ODF1: variants seen among roughly 807,000 people sequenced by gnomAD.
ODF1 encodes outer dense fiber of sperm tails 1.
A neutral mutation model predicts 24.0 loss-of-function variants in ODF1; 10 were observed. The observed-to-expected ratio is 0.42, with a 90% CI of 0.26 to 0.71. The LOEUF is 0.71. ODF1 is among the 30% of genes least tolerant of loss of function. ODF1 has a pLI of 0.28. For synonymous variants in ODF1, 118 were observed against 121.3 expected (o/e 0.97, Z 0.18); for missense variants, 282 against 307.9 (o/e 0.92, Z 0.63).
chr8:102,555,874 T>C (rs1189406170), intron 1 of ODF1, among the ~76,000 whole-genome samples: 3 of 152,218 alleles, frequency 2.0e-5, no homozygotes, highest in Non-Finnish European at 2.9e-5. Flanking sequence ...CCTCTCATCA[T>C]AGACTCTTCA....
chr8:102,560,989 T>A lies in ODF1; in HGVS notation c.*105T>A. The A allele has an allele frequency of 9.1e-7, 1 of 1,095,296 alleles. No individual in the cohort carries two copies. The allele number at this position is 1,095,296 out of a possible 1,614,324, so 67.8% of individuals were successfully genotyped here. A position where few individuals can be genotyped will look rare whatever the true frequency, so the allele number is the denominator to read the frequency against. ...CCATGGCCCCTGTTGTTGAAGTACG[T>A]AGGAAACTGAATACATAACTGCAAT... is the stretch of plus-strand genomic sequence containing the variant. On this transcript the variant is annotated 3_prime_UTR_variant, in exon 2 of 2. Coordinates refer to ENST00000285402, the MANE Select transcript of ODF1 (RefSeq NM_024410.4).
At chr8:102,557,208 A>T (rs1826122864) in intron 1 of ODF1, among the ~76,000 whole-genome samples, 1 of 152,166 alleles carries the variant, frequency 6.6e-6, no homozygotes, top group African/African-American at 2.4e-5. Flanking sequence ...CCCCATGATA[A>T]CAAGTATAGG....
chr8:102,554,950 C>G (rs928280965), intron 1 of ODF1, among the ~76,000 whole-genome samples: 1 of 151,986 alleles, frequency 6.6e-6, no homozygotes, highest in Non-Finnish European at 1.5e-5. Flanking sequence ...AGAAAGAGAC[C>G]CTGTTTCAAA....
chr8:102,553,020 TA>T (rs758458768), intron 1 of ODF1, among the ~76,000 whole-genome samples: 22,096 of 66,774 alleles, frequency 0.33, 1,722 homozygotes, highest in Middle Eastern at 0.41. Flanking sequence ...AGATAGATGA[TA>T]GATAGATAGA....
At position 102,559,864 on chromosome 8, in the gene ODF1, A is replaced by G. The variant is rs1450470104; in HGVS notation, c.321-588A>G. On this transcript the variant is annotated intron_variant, in intron 1 of 1. Transcript: ENST00000285402. ...TCGAAAGCTGACAGCCATCTCTAAA[A>G]TGCAGATTTTAAGTGGTATCTTAGT... Among the ~76,000 whole-genome samples, 10 of 151,638 alleles carry G rather than the reference A, an allele frequency of 6.6e-5. 1 individual carries two copies. Among genetic ancestry groups the G allele is most frequent in the African/African-American group, 4.9e-5 (2 of 40,936 alleles).
intron 1 of ODF1, among the ~76,000 whole-genome samples, chr8:102,559,573 T>C (rs1826153191): frequency 6.6e-6 from 1 of 151,630 alleles, no homozygotes; most frequent in African/African-American, 2.4e-5. Context: ...TGATCCTGAT[T>C]ATGGACACCA....
chr8:102,560,972 C>G lies in ODF1; in HGVS notation c.*88C>G, dbSNP rs999766414. On this transcript the variant is annotated 3_prime_UTR_variant, in exon 2 of 2. Transcript: ENST00000285402. Reference sequence around the variant, plus strand: ...TGTTTCTCCTCTCCTTCCCATGGCCCCTGTTGTTGAAGTACGTAGGAAACT... The same window carrying G: ...TGTTTCTCCTCTCCTTCCCATGGCCGCTGTTGTTGAAGTACGTAGGAAACT... 9 of 1,245,486 alleles carry G rather than the reference C, an allele frequency of 7.2e-6. No homozygotes were observed. The highest frequency in any genetic ancestry group is 1.0e-5 in the Non-Finnish European group (9 of 891,994). 77.2% of individuals were successfully genotyped at this position (1,245,486 alleles called of 1,614,324 possible). A position where few individuals can be genotyped will look rare whatever the true frequency, so the allele number is the denominator to read the frequency against.
chr8:102,556,946 T>C (rs1758719720), intron 1 of ODF1, among the ~76,000 whole-genome samples: 1 of 152,222 alleles, frequency 6.6e-6, no homozygotes, highest in South Asian at 2.1e-4. Context: ...ACTTTATTCA[T>C]GACCGGGTTA....
In ODF1 at chr8:102,552,189, A is replaced by G. The variant is rs1215823140; in HGVS notation, c.320+142A>G. On this transcript the variant is annotated intron_variant, in intron 1 of 1. Transcript: ENST00000285402. Reference sequence around the variant, plus strand: ...ACCCTGGTGACTTAGGAAAGATTTAAGGAAAGAAGAGTAAATGAGTCCATG... The same window carrying G: ...ACCCTGGTGACTTAGGAAAGATTTAGGGAAAGAAGAGTAAATGAGTCCATG... 8.3e-6 allele frequency: 5 copies of G among 602,302 alleles called. No individual in the cohort carries two copies. In the East Asian group the frequency reaches 1.4e-4, roughly 17 times the overall value. 37.3% of individuals were successfully genotyped at this position (602,302 alleles called of 1,614,324 possible). A position where few individuals can be genotyped will look rare whatever the true frequency, so the allele number is the denominator to read the frequency against.
Position 102,560,539 on chromosome 8 carries a change from C to A in ODF1, c.408C>A (p.Pro136=). ...CGGTGAATGTATGCGGTTTTGAACC[C>A]GATCAAGTCAAAGTTCGAGTGAAGG... The part of the protein sequence containing the change: ...LGSVNVCGFE[P]DQVKVRVKDG... The change falls in exon 2 of 2, where the codon CCC becomes CCA. Residue 136 remains proline (P), a synonymous_variant. Transcript: ENST00000285402. The A allele has an allele frequency of 1.2e-6, 2 of 1,614,160 alleles. No homozygotes were observed. Among genetic ancestry groups the A allele is most frequent in the Non-Finnish European group, 1.7e-6 (2 of 1,180,044 alleles).
At chr8:102,556,191 G>A (rs1467360522) in intron 1 of ODF1, among the ~76,000 whole-genome samples, 1 of 152,238 alleles carries the variant, frequency 6.6e-6, no homozygotes, top group Non-Finnish European at 1.5e-5. Context: ...CAGGGGCCAT[G>A]TTCTTGATCA....
Position 102,556,487 on chromosome 8 carries a change from G to A in ODF1, c.321-3965G>A, listed in dbSNP as rs1432751109. ...TGTTGAGATGGAGTATTGCTCTGGC[G>A]CCCAGGCTGGAGTACAGTGGTGTGA... On this transcript the variant is annotated intron_variant, in intron 1 of 1. Transcript: ENST00000285402. Among the ~76,000 whole-genome samples, 8 of 152,008 alleles carry A rather than the reference G, an allele frequency of 5.3e-5. No individual in the cohort carries two copies. In the East Asian group the frequency reaches 5.8e-4, roughly 11 times the overall value.
chr8:102,553,721 C>G (rs147043877), intron 1 of ODF1, among the ~76,000 whole-genome samples: 360 of 152,346 alleles, frequency 2.4e-3, no homozygotes, highest in African/African-American at 7.3e-3. Context: ...AAATCCCTCT[C>G]TGTCCTGTGC....
chr8:102,556,621 A>C (rs1483326165), intron 1 of ODF1, among the ~76,000 whole-genome samples: 3 of 152,008 alleles, frequency 2.0e-5, no homozygotes, highest in Non-Finnish European at 4.4e-5. Flanking sequence ...CTAATCAGCC[A>C]CCTGTGTTTT....
intron 1 of ODF1, among the ~76,000 whole-genome samples, chr8:102,554,530 T>TC (rs1826088165): frequency 6.6e-6 from 1 of 152,254 alleles, no homozygotes; most frequent in South Asian, 2.1e-4. Context: ...CTCTGGGTCC[T>TC]CCTTTAATAA....
chr8:102,560,724 T>C lies in ODF1; in HGVS notation c.593T>C (p.Ile198Thr). 6.2e-7 allele frequency: 1 copy of C among 1,613,874 alleles called. No homozygotes were observed. Among genetic ancestry groups the C allele is most frequent in the Non-Finnish European group, 8.5e-7 (1 of 1,179,994 alleles). Reference sequence around the variant, plus strand: ...TATGGGCTCGGCAGCTGTGTCAAGATCGAGTCTCCTTGCTACCCTTGCACT... The same window carrying C: ...TATGGGCTCGGCAGCTGTGTCAAGACCGAGTCTCCTTGCTACCCTTGCACT... ...YSYGLGSCVK[I>T]ESPCYPCTSP... is the part of the protein sequence containing the mutation. The change falls in exon 2 of 2, where the codon ATC becomes ACC. Residue 198 changes from isoleucine (I) to threonine (T), a missense_variant. Ile to Thr is a moderately conservative substitution (Grantham distance 89). Transcript: ENST00000285402.
At chr8:102,552,175 T>C in intron 1 of ODF1, 128 bp downstream of exon 1, 1 of 636,362 alleles carries the variant, frequency 1.6e-6, no homozygotes, top group Non-Finnish European at 2.6e-6. Context: ...CCCTGGTGAC[T>C]TAGGAAAGAT....
intron 1 of ODF1, among the ~76,000 whole-genome samples, chr8:102,552,734 T>A (rs1445194140): frequency 3.3e-5 from 5 of 152,104 alleles, no homozygotes; most frequent in African/African-American, 4.8e-5. Flanking sequence ...TTAAAAAAAT[T>A]TTTGTTTTAG....
chr8:102,560,700 A>G lies in ODF1; in HGVS notation c.569A>G (p.Tyr190Cys), dbSNP rs755943016. The part of the protein sequence containing the change: ...CVDEKDVTYS[Y>C]GLGSCVKIES... ...GATGAGAAGGATGTAACATACTCCT[A>G]TGGGCTCGGCAGCTGTGTCAAGATC... Residue 190 changes from tyrosine (Y) to cysteine (C), a missense_variant, in exon 2 of 2, where the codon TAT becomes TGT. Transcript: ENST00000285402. 7.4e-6 allele frequency: 12 copies of G among 1,613,894 alleles called. No homozygotes were observed. Among genetic ancestry groups the G allele is most frequent in the South Asian group, 1.1e-5 (1 of 91,078 alleles).
Sources: allele counts gnomAD v4.1 joint callset (sites outside exome capture counted in the v4.1 genomes callset), GRCh38; gene constraint gnomAD v4.1.1; transcripts MANE v1.5; gene names NCBI Gene and HGNC (gene_info 2026-07-23, HGNC 2026-07-21).